Variants in IGSF22 observed in about 807,000 individuals in gnomAD.
IGSF22 encodes the protein immunoglobulin superfamily, member 22.
In IGSF22, 119 loss-of-function variants were observed where a neutral mutation model predicts 127.0. The ratio of observed to expected loss-of-function variants is 0.94; its 90% CI spans 0.81 to 1.09. The LOEUF (loss-of-function observed/expected upper bound fraction) is 1.09, where lower values mean the gene tolerates loss of function less well. Among genes scored for constraint, IGSF22 ranks in the 50% least tolerant of loss-of-function variants. The pLI, the probability that IGSF22 is intolerant of heterozygous loss-of-function variation, is 0.00. For synonymous variants in IGSF22, 568 were observed against 664.7 expected (o/e 0.85, Z 2.24); for missense variants, 1,518 against 1,716.6 (o/e 0.88, Z 2.04).
chr11:18,725,602 G>A (rs548917546), intron 1 of IGSF22, among the ~76,000 whole-genome samples: 10 of 152,074 alleles, frequency 6.6e-5, no homozygotes, highest in South Asian at 6.2e-4. Context: ...CATCACACCC[G>A]GCTAATTTTT....
rs1564875957 is a variant in IGSF22, at chr11:18,720,260, G to C, written c.404C>G (p.Ser135Cys). Residue 135 changes from serine (S) to cysteine (C), a missense_variant, in exon 5 of 23, where the codon TCT (serine) becomes TGT (cysteine). Physicochemically the swap from Ser to Cys is moderately radical, Grantham distance 112 (BLOSUM62 -1). Transcript: ENST00000513874. ...GCTTGCAATGCACTTATAGTTGTCA[G>C]AGTCATCCGAAGTCAGTGGCTCCAG... ...LKLEPLTSDD[S>C]DNYKCIASND... 1 of 1,614,152 alleles carries C rather than the reference G, an allele frequency of 6.2e-7. No individual in the cohort carries two copies. Among genetic ancestry groups the C allele is most frequent in the African/African-American group, 1.3e-5 (1 of 75,050 alleles).
At chr11:18,713,019 A>G (rs1413692920) in intron 14 of IGSF22, among the ~76,000 whole-genome samples, 1 of 151,562 alleles carries the variant, frequency 6.6e-6, no homozygotes, top group East Asian at 1.9e-4. Context: ...TCCCCATTCC[A>G]TCTTTCCCAC....
Position 18,725,607 on chromosome 11 carries a change from A to T in IGSF22, c.-34+467T>A, listed in dbSNP as rs377052980. Among the ~76,000 whole-genome samples the T allele has an allele frequency of 1.8e-4, 27 of 151,850 alleles. No individual in the cohort carries two copies. In the South Asian group the frequency reaches 4.4e-3, roughly 25 times the overall value. ...AGGCACCCGCCATCACACCCGGCTA[A>T]TTTTTTGTATTTTTAGTACAGATGG... On this transcript the variant is annotated intron_variant, in intron 1 of 22. Transcript: ENST00000513874.
At chr11:18,705,499 AGATC>A (rs1348302696) in intron 22 of IGSF22, 1 of 363,206 alleles carries the variant, frequency 2.8e-6, no homozygotes, top group South Asian at 4.0e-5. Context: ...CGTGCCAGAG[AGATC>A]GTGATTGGTG....
chr11:18,706,339 G>A (rs1299857957), intron 21 of IGSF22, among the ~76,000 whole-genome samples, 193 bp from the exon 22 acceptor site: 1 of 29,684 alleles, frequency 3.4e-5, no homozygotes, highest in Non-Finnish European at 6.6e-5. Flanking sequence ...CGACCCCCCA[G>A]CCCCGTCCCC....
At position 18,719,811 on chromosome 11, in the gene IGSF22, T is replaced by G. The variant is rs2134167690; in HGVS notation, c.601A>C (p.Lys201Gln). The G allele has an allele frequency of 1.2e-6, 2 of 1,614,180 alleles. No individual in the cohort carries two copies. Among genetic ancestry groups the G allele is most frequent in the East Asian group, 4.5e-5 (2 of 44,870 alleles). ...TCCATGCACACCTTCTCAAAGTCTT[T>G]CTTGGGCACTTTGGACAAAATCTCC... ...MLEILSKVPK[K>Q]DFEKVCMEYG... Residue 201 changes from lysine to glutamine, a missense_variant, in exon 7 of 23, where the codon AAA becomes CAA. By Grantham distance (53) the Lys-to-Gln change is moderately conservative. This residue lies in a region of IGSF22 where 1,456 missense variants were observed against 1,644.9 expected (regional missense o/e 0.89). Transcript: ENST00000513874.
intron 14 of IGSF22, among the ~76,000 whole-genome samples, chr11:18,713,230 G>T (rs1848390793): frequency 6.8e-6 from 1 of 147,562 alleles, no homozygotes; most frequent in Non-Finnish European, 1.5e-5. Flanking sequence ...CTGGCTCACT[G>T]CAACCTCTGC....
chr11:18,708,839 C>A (rs1173923288), intron 18 of IGSF22, among the ~76,000 whole-genome samples: 1 of 152,192 alleles, frequency 6.6e-6, no homozygotes. Flanking sequence ...TTCCAGAGAT[C>A]ACAAGATTTG....
At position 18,709,841 on chromosome 11, in the gene IGSF22, C is replaced by G. The variant is rs1323071839; in HGVS notation, c.2702-158G>C. 1.3e-5 allele frequency among the ~76,000 whole-genome samples: 2 copies of G among 152,190 alleles called. No homozygotes were observed. The highest frequency in any genetic ancestry group is 4.8e-5 in the African/African-American group (2 of 41,444). On this transcript the variant is annotated intron_variant, in intron 17 of 22. Transcript: ENST00000513874. The surrounding 1 kb of genome is among the most constrained non-coding windows in gnomAD (Gnocchi z 4.8). ...TAGTACCTAGCCTTATACACTCAAC[C>G]TCCAAATTCAAATTCAGTTATCTTA... is the stretch of plus-strand genomic sequence containing the variant.
chr11:18,719,639 G>A, intron 7 of IGSF22, 77 bp downstream of exon 7: 4 of 1,442,822 alleles, frequency 2.8e-6, no homozygotes, highest in Non-Finnish European at 3.8e-6. Flanking sequence ...TTCTTGCTGA[G>A]AAATACACAG....
intron 15 of IGSF22, 125 bp from the exon 16 acceptor site, chr11:18,710,953 T>C: frequency 1.2e-6 from 1 of 828,460 alleles, no homozygotes; most frequent in East Asian, 2.7e-5. Flanking sequence ...TTCTTTTTCC[T>C]TTTTTAGAGA....
intron 18 of IGSF22, among the ~76,000 whole-genome samples, chr11:18,708,735 AC>A (rs2134158520): frequency 6.6e-6 from 1 of 152,290 alleles, no homozygotes; most frequent in South Asian, 2.1e-4. Context: ...AAACTAAATC[AC>A]CTTTGCGAAG....
chr11:18,707,286 C>T, intron 20 of IGSF22, 73 bp from the exon 21 acceptor site: 1 of 1,332,220 alleles, frequency 7.5e-7, no homozygotes, highest in Non-Finnish European at 1.0e-6. Context: ...AGCCATCTGC[C>T]AAGTCCGATG....
At chr11:18,721,849 T>TG (rs66751057) in intron 3 of IGSF22, 61 bp downstream of exon 3, 260,456 of 1,602,222 alleles carry the variant, frequency 0.16, 22,872 homozygotes, top group South Asian at 0.3. Context: ...GGACGGAGGG[T>TG]GGGGGCACTC....
chr11:18,721,452 A>G, intron 4 of IGSF22, 83 bp downstream of exon 4: 1 of 1,576,300 alleles, frequency 6.3e-7, no homozygotes, highest in Non-Finnish European at 8.7e-7. Flanking sequence ...TAAGGCTCTC[A>G]TCGGTGAGAA....
At chr11:18,705,785 C>A (rs376134827) in intron 22 of IGSF22, 32 bp downstream of exon 22, 2 of 1,509,080 alleles carry the variant, frequency 1.3e-6, no homozygotes, top group East Asian at 2.5e-5. Context: ...GCCTCTCCCC[C>A]TCCTCGAGGC....
intron 7 of IGSF22, 114 bp downstream of exon 7, chr11:18,719,602 G>C: frequency 2.0e-6 from 2 of 997,728 alleles, no homozygotes; most frequent in Non-Finnish European, 3.0e-6. Flanking sequence ...ACGCCTCTGA[G>C]TATGTGTGTG....
In IGSF22 at chr11:18,716,734, C is replaced by T. The variant is rs10766494; in HGVS notation, c.1240G>A (p.Val414Ile). The T allele has an allele frequency of 0.74, 1,197,211 of 1,613,540 alleles. 445,940 individuals are homozygous for T. Among genetic ancestry groups the T allele is most frequent in the East Asian group, 0.82 (36,762 of 44,872 alleles). The change falls in exon 10 of 23, where the codon GTT becomes ATT. Residue 414 changes from valine to isoleucine, a missense_variant. Val to Ile is a conservative substitution (Grantham distance 29). Coordinates refer to ENST00000513874, the MANE Select transcript of IGSF22 (RefSeq NM_173588.4). The surrounding 1 kb of genome is among the most constrained non-coding windows in gnomAD (Gnocchi z 4.5). ...GNLVQKAQLT[V>I]DRIPIKFVSN... ...CTCTTGCCCAACCACTCACGGTCAA[C>T]AGTGAGCTGGGCCTTTTGTACCAGG...
chr11:18,704,857 T>G, intron 22 of IGSF22: 1 of 316,274 alleles, frequency 3.2e-6, no homozygotes, highest in South Asian at 3.5e-5. Context: ...CCATTTGCTG[T>G]GCTTACAAGC....
Sources: gnomAD v4.1 joint callset for allele counts (sites outside exome capture counted in the v4.1 genomes callset) on GRCh38, gnomAD v4.1.1 for gene constraint, gnomAD v4.1.1 regional missense constraint, Gnocchi (gnomAD v3.1) non-coding constraint, MANE v1.5 for transcripts, NCBI Gene and HGNC (gene_info 2026-07-23, HGNC 2026-07-21) for gene names.